Variants in IMMP2L observed in about 807,000 individuals in gnomAD.
IMMP2L encodes inner mitochondrial membrane peptidase subunit 2.
Under a neutral mutation model 19.3 loss-of-function variants are expected in IMMP2L, and 18 were observed. That is an observed-to-expected ratio of 0.93 (90% CI 0.64 to 1.38). The LOEUF is 1.38. Among genes scored for constraint, IMMP2L ranks in the 40% most tolerant of loss-of-function variants. The pLI is 0.00. For synonymous variants in IMMP2L, 76 were observed against 73.0 expected (o/e 1.04, Z -0.21); for missense variants, 233 against 218.2 (o/e 1.07, Z -0.43).
intron 5 of IMMP2L, among the ~76,000 whole-genome samples, chr7:110,788,153 T>C (rs537087764): frequency 6.6e-6 from 1 of 152,138 alleles, no homozygotes; most frequent in African/African-American, 2.4e-5. Context: ...CCTCTAAAAG[T>C]CATTACTTTC....
chr7:110,677,507 T>C (rs941934103), intron 5 of IMMP2L, among the ~76,000 whole-genome samples: 4 of 152,152 alleles, frequency 2.6e-5, no homozygotes, highest in African/African-American at 7.2e-5. Flanking sequence ...CTACACAGCA[T>C]ACAGAACGGA....
At chr7:111,357,427 A>G (rs758842166) in intron 3 of IMMP2L, among the ~76,000 whole-genome samples, 30 of 152,106 alleles carry the variant, frequency 2.0e-4, no homozygotes, top group Non-Finnish European at 4.3e-4. Flanking sequence ...TCAAATGACC[A>G]TGAAATTAAG....
chr7:110,748,173 AG>A (rs1430344483), intron 5 of IMMP2L, among the ~76,000 whole-genome samples: 1 of 152,194 alleles, frequency 6.6e-6, no homozygotes, highest in Non-Finnish European at 1.5e-5. Context: ...TAAAATACCT[AG>A]GAACCCAACT....
chr7:110,996,299 A>C (rs1198407845), intron 3 of IMMP2L, among the ~76,000 whole-genome samples: 3 of 152,174 alleles, frequency 2.0e-5, no homozygotes, highest in Non-Finnish European at 4.4e-5. Flanking sequence ...CAAATGGGAA[A>C]GTGGCCTGTG....
At chr7:111,500,165 A>G (rs965589011) in intron 2 of IMMP2L, among the ~76,000 whole-genome samples, 1 of 152,120 alleles carries the variant, frequency 6.6e-6, no homozygotes, top group Non-Finnish European at 1.5e-5. Flanking sequence ...TATATCCCGC[A>G]CCTGGCTCAG....
chr7:111,229,092 T>C (rs1419282878), intron 3 of IMMP2L, among the ~76,000 whole-genome samples: 1 of 151,540 alleles, frequency 6.6e-6, no homozygotes, highest in East Asian at 2.0e-4. Context: ...TACCAACAAT[T>C]TACCAACACA....
At chr7:111,535,515 G>A (rs1185198596) in intron 1 of IMMP2L, among the ~76,000 whole-genome samples, 4 of 151,882 alleles carry the variant, frequency 2.6e-5, no homozygotes, top group African/African-American at 7.3e-5. Flanking sequence ...TTGCCCCATC[G>A]GACACTTAAA....
At chr7:111,089,172 C>A (rs1271140888) in intron 3 of IMMP2L, among the ~76,000 whole-genome samples, 2 of 152,026 alleles carry the variant, frequency 1.3e-5, no homozygotes, top group Non-Finnish European at 2.9e-5. Flanking sequence ...CTAACTGAAT[C>A]AAAACTGAAA....
At chr7:110,670,696 AAAAAAAAAC>A (rs977567889) in intron 5 of IMMP2L, among the ~76,000 whole-genome samples, 2 of 151,458 alleles carry the variant, frequency 1.3e-5, no homozygotes, top group African/African-American at 2.4e-5. Flanking sequence ...TCTCAAAAAA[AAAAAAAAAC>A]AAAAAAAACA....
At chr7:110,962,649 T>G in intron 4 of IMMP2L, 1 of 789,958 alleles carries the variant, frequency 1.3e-6, no homozygotes, top group Non-Finnish European at 1.5e-6. Context: ...AGGCCCCCAG[T>G]GGGGATCCCC....
intron 3 of IMMP2L, among the ~76,000 whole-genome samples, chr7:111,084,943 TA>T (rs1287451242): frequency 2.0e-5 from 3 of 152,190 alleles, no homozygotes. Context: ...GAGTAACAAG[TA>T]AATGTATGGA....
chr7:111,105,285 C>T (rs1798419715), intron 3 of IMMP2L, among the ~76,000 whole-genome samples: 1 of 152,000 alleles, frequency 6.6e-6, no homozygotes, highest in East Asian at 1.9e-4. Context: ...CAACAACCTT[C>T]TATGAATCTG....
At chr7:111,312,324 T>C (rs1352791947) in intron 3 of IMMP2L, among the ~76,000 whole-genome samples, 2 of 152,180 alleles carry the variant, frequency 1.3e-5, no homozygotes, top group Non-Finnish European at 1.5e-5. Flanking sequence ...TCATGATCCA[T>C]GTCTACCATT....
At chr7:111,275,470 T>C (rs1818924518) in intron 3 of IMMP2L, among the ~76,000 whole-genome samples, 2 of 152,138 alleles carry the variant, frequency 1.3e-5, no homozygotes, top group African/African-American at 4.8e-5. Flanking sequence ...CCAAAAACAG[T>C]TGTGGGGGAC....
At chr7:110,962,614 A>T (rs939416251) in intron 4 of IMMP2L, 1 of 463,094 alleles carries the variant, frequency 2.2e-6, no homozygotes, top group East Asian at 1.5e-4. Context: ...CTTTAGTATT[A>T]TTAGGAAAGT....
At chr7:110,801,287 C>A (rs1266979442) in intron 5 of IMMP2L, among the ~76,000 whole-genome samples, 47 of 152,170 alleles carry the variant, frequency 3.1e-4, no homozygotes, top group Non-Finnish European at 4.4e-5. Context: ...CTGTTTGAAT[C>A]TAATATTTTG....
intron 4 of IMMP2L, among the ~76,000 whole-genome samples, chr7:110,926,372 G>C (rs1236821778): frequency 6.6e-6 from 1 of 151,956 alleles, no homozygotes; most frequent in Non-Finnish European, 1.5e-5. Flanking sequence ...ATTTAACCAA[G>C]AGAAATGGTT....
At chr7:110,962,833 G>C in intron 4 of IMMP2L, 3 of 1,234,960 alleles carry the variant, frequency 2.4e-6, no homozygotes, top group Middle Eastern at 3.1e-4. Context: ...AGTAGTCAAA[G>C]CATTTTGGCT....
At chr7:110,927,169 C>T (rs1045332510) in intron 4 of IMMP2L, among the ~76,000 whole-genome samples, 2 of 152,044 alleles carry the variant, frequency 1.3e-5, no homozygotes, top group African/African-American at 4.8e-5. Flanking sequence ...TTTCTTCCTT[C>T]CCCCTCTCTC....
Sources: allele counts gnomAD v4.1 joint callset (sites outside exome capture counted in the v4.1 genomes callset), GRCh38; gene constraint gnomAD v4.1.1; transcripts MANE v1.5; gene names NCBI Gene and HGNC (gene_info 2026-07-23, HGNC 2026-07-21).